The following FAM228B variants were observed in gnomAD, a reference collection of about 807,000 sequenced individuals.
The protein encoded by FAM228B is family with sequence similarity 228 member B.
Under a neutral mutation model 42.6 loss-of-function variants are expected in FAM228B, and 38 were observed. The ratio of observed to expected loss-of-function variants is 0.89; its 90% confidence interval spans 0.69 to 1.17. FAM228B has a LOEUF of 1.17. Among genes scored for constraint, FAM228B ranks in the 50% most tolerant of loss-of-function variants. The pLI, the probability that FAM228B is intolerant of heterozygous loss-of-function variation, is 0.00. For synonymous variants in FAM228B, 109 were observed against 122.3 expected (o/e 0.89, Z 0.72); for missense variants, 344 against 367.3 (o/e 0.94, Z 0.52).
chr2:24,133,348 A>G (rs998906186), intron 2 of FAM228B, among the ~76,000 whole-genome samples: 2 of 152,196 alleles, frequency 1.3e-5, no homozygotes, highest in Non-Finnish European at 2.9e-5. Flanking sequence ...GGCAAAAATA[A>G]CAAAGAAAAC....
At chr2:24,102,206 C>T (rs1425834965) in intron 3 of FAM228B, among the ~76,000 whole-genome samples, 1 of 152,056 alleles carries the variant, frequency 6.6e-6, no homozygotes, top group Non-Finnish European at 1.5e-5. Flanking sequence ...ACTTGGAAAC[C>T]ACCCAATCTG....
intron 5 of FAM228B, among the ~76,000 whole-genome samples, chr2:24,143,870 G>C (rs1447547255): frequency 6.6e-6 from 1 of 152,118 alleles, no homozygotes; most frequent in Non-Finnish European, 1.5e-5. Context: ...AGTTTCAGCT[G>C]GGTGCGGTGG....
At chr2:24,078,629 A>C (rs189284981) in intron 1 of FAM228B, among the ~76,000 whole-genome samples, 7 of 152,316 alleles carry the variant, frequency 4.6e-5, no homozygotes, top group Non-Finnish European at 8.8e-5. Flanking sequence ...CCAAATGTGT[A>C]ACTTCTGTTC....
In FAM228B at chr2:24,084,593, G is replaced by C. The variant is rs1044943037; in HGVS notation, c.-210+3638G>C. ...CCCACCCGGAACACAGATGGGAACGGCGGGAAGTGGGATGGCGGTACAGGG... is the reference window on the plus strand; with the variant it reads ...CCCACCCGGAACACAGATGGGAACGCCGGGAAGTGGGATGGCGGTACAGGG... On this transcript the variant is annotated intron_variant, in intron 2 of 10. Transcript: ENST00000613899. This position sits in a 1 kb window ranked among gnomAD's most constrained non-coding sequence, Gnocchi z 8.4. 2.4e-6 allele frequency: 1 copy of C among 417,078 alleles called. No homozygotes were observed. The highest frequency in any genetic ancestry group is 4.2e-6 in the Non-Finnish European group (1 of 235,546). The allele number at this position is 417,078 out of a possible 1,614,324, so 25.8% of individuals were successfully genotyped here.
intron 3 of FAM228B, among the ~76,000 whole-genome samples, chr2:24,110,513 A>C (rs553498112): frequency 1.3e-5 from 2 of 152,336 alleles, no homozygotes; most frequent in South Asian, 4.1e-4. Context: ...TTATGCCTAC[A>C]TAACAGAAGC....
At chr2:24,165,539 C>A (rs1289924102) in intron 9 of FAM228B, 2 of 459,666 alleles carry the variant, frequency 4.4e-6, no homozygotes, top group Non-Finnish European at 4.5e-6. Flanking sequence ...GTCTCTGCAG[C>A]CCCCAGCCCC....
chr2:24,150,591 A>AT (rs1273250754), intron 7 of FAM228B, among the ~76,000 whole-genome samples: 1 of 151,728 alleles, frequency 6.6e-6, no homozygotes, highest in Non-Finnish European at 1.5e-5. Flanking sequence ...TACCCAGCTA[A>AT]TTTTTGTATT....
At chr2:24,161,210 C>G (rs536570275) in intron 7 of FAM228B, among the ~76,000 whole-genome samples, 12 of 152,262 alleles carry the variant, frequency 7.9e-5, no homozygotes, top group African/African-American at 2.9e-4. Flanking sequence ...CTTTAGGAGG[C>G]CGAGGCAGGA....
chr2:24,083,022 A>G, intron 2 of FAM228B: 2 of 1,614,064 alleles, frequency 1.2e-6, no homozygotes, highest in Non-Finnish European at 1.7e-6. Flanking sequence ...CCCACCGGGG[A>G]GCAGAGCCAT....
intron 2 of FAM228B, among the ~76,000 whole-genome samples, chr2:24,089,379 T>C (rs900349079): frequency 6.6e-6 from 1 of 152,008 alleles, no homozygotes; most frequent in African/African-American, 2.4e-5. Flanking sequence ...CAAAAATAAA[T>C]TAAATTATGT....
chr2:24,126,427 T>C (rs1200759876), intron 2 of FAM228B, among the ~76,000 whole-genome samples: 2 of 152,192 alleles, frequency 1.3e-5, no homozygotes, highest in African/African-American at 4.8e-5. Flanking sequence ...TAATTTGCAT[T>C]TCCTTAATGA....
chr2:24,112,923 CTT>C (rs1435352788), intron 3 of FAM228B, among the ~76,000 whole-genome samples: 1 of 152,182 alleles, frequency 6.6e-6, no homozygotes, highest in Non-Finnish European at 1.5e-5. Flanking sequence ...CTGGAATACT[CTT>C]TACTCTCTTC....
chr2:24,114,381 C>G (rs534362013), intron 3 of FAM228B, among the ~76,000 whole-genome samples: 13 of 152,124 alleles, frequency 8.5e-5, no homozygotes, highest in Non-Finnish European at 8.8e-5. Flanking sequence ...CATGTCTATA[C>G]TTTTTCTCCA....
chr2:24,103,497 A>G (rs913307279), intron 3 of FAM228B, among the ~76,000 whole-genome samples: 6 of 152,190 alleles, frequency 3.9e-5, no homozygotes, highest in African/African-American at 1.4e-4. Flanking sequence ...AGCTACCACC[A>G]AAGGGTCACT....
At chr2:24,108,765 G>T (rs1281081997) in intron 3 of FAM228B, among the ~76,000 whole-genome samples, 1 of 152,002 alleles carries the variant, frequency 6.6e-6, no homozygotes, top group East Asian at 1.9e-4. Flanking sequence ...GCTGGGTGTG[G>T]TGGTGGGTAC....
chr2:24,132,464 G>GTTTTTT (rs548264853), intron 2 of FAM228B, among the ~76,000 whole-genome samples: 17 of 56,008 alleles, frequency 3.0e-4, no homozygotes, highest in Non-Finnish European at 4.3e-4. Flanking sequence ...TCCTGGGATT[G>GTTTTTT]TTTTTTTTTT....
chr2:24,123,506 G>GCTCGCGCGGCGCT lies in FAM228B; in HGVS notation c.-59_-47dup, dbSNP rs1160390635. 6.6e-6 allele frequency: 1 copy of GCTCGCGCGGCGCT among 152,170 alleles called. No homozygotes were observed. Among genetic ancestry groups the GCTCGCGCGGCGCT allele is most frequent in the Non-Finnish European group, 1.5e-5 (1 of 68,032 alleles). The allele number at this position is 152,170 out of a possible 1,614,324, so 9.4% of individuals were successfully genotyped here. On this transcript the variant is annotated 5_prime_UTR_variant, in exon 1 of 11. Coordinates refer to ENST00000615575, the MANE Select transcript of FAM228B (RefSeq NM_001145710.2). ...GAACCCGCGGCGCAGGGGGCGGAGT[G>GCTCGCGCGGCGCT]CTCGCGCGGCGCTGCGTCCGGGAGA...
chr2:24,143,665 A>AT (rs926647928), intron 5 of FAM228B, among the ~76,000 whole-genome samples: 1 of 152,134 alleles, frequency 6.6e-6, no homozygotes, highest in East Asian at 1.9e-4. Context: ...TACTCTTCTC[A>AT]TTTTTTTGTT....
chr2:24,147,982 T>C (rs1367064594), intron 7 of FAM228B, among the ~76,000 whole-genome samples: 5 of 151,316 alleles, frequency 3.3e-5, no homozygotes, highest in African/African-American at 1.2e-4. Flanking sequence ...TGTAGAAGAA[T>C]GGTGTACATG....
Sources: gnomAD v4.1 joint callset for allele counts (sites outside exome capture counted in the v4.1 genomes callset) on GRCh38, gnomAD v4.1.1 for gene constraint, Gnocchi (gnomAD v3.1) non-coding constraint, MANE v1.5 for transcripts, NCBI Gene and HGNC (gene_info 2026-07-23, HGNC 2026-07-21) for gene names.